The following ELAPOR2 variants were observed in gnomAD, a reference collection of about 807,000 sequenced individuals.
ELAPOR2 encodes the protein endosome-lysosome associated apoptosis and autophagy regulator family member 2.
A neutral mutation model predicts 120.7 loss-of-function variants in ELAPOR2; 89 were observed. The observed-to-expected ratio is 0.74, with a 90% CI of 0.62 to 0.88. The LOEUF is 0.88. Ranked by LOEUF, ELAPOR2 falls within the 40% of genes least tolerant of loss-of-function variation. ELAPOR2 has a pLI of 0.00. For synonymous variants in ELAPOR2, 444 were observed against 444.9 expected (o/e 1.00, Z 0.03); for missense variants, 1,134 against 1,251.6 (o/e 0.91, Z 1.42).
intron 1 of ELAPOR2, among the ~76,000 whole-genome samples, chr7:86,988,113 C>T (rs1382017424): frequency 7.2e-5 from 11 of 152,108 alleles, no homozygotes; most frequent in East Asian, 1.9e-4. Flanking sequence ...AACCAAACAC[C>T]GCATGTTCTC....
At chr7:87,019,981 A>G (rs1252208072) in intron 1 of ELAPOR2, among the ~76,000 whole-genome samples, 2 of 152,170 alleles carry the variant, frequency 1.3e-5, no homozygotes, top group Non-Finnish European at 2.9e-5. Flanking sequence ...AATATAGCAT[A>G]TACAATATTT....
intron 1 of ELAPOR2, among the ~76,000 whole-genome samples, chr7:87,021,668 T>C (rs918312088): frequency 1.3e-5 from 2 of 152,174 alleles, no homozygotes; most frequent in Non-Finnish European, 1.5e-5. Flanking sequence ...CCCAACTGTT[T>C]CCAGACAGTC....
At chr7:86,889,387 C>T (rs1360908995) in intron 21 of ELAPOR2, among the ~76,000 whole-genome samples, 2 of 151,258 alleles carry the variant, frequency 1.3e-5, no homozygotes, top group Non-Finnish European at 3.0e-5. Context: ...CACCCTATTC[C>T]CAGGGGATAC....
At chr7:87,024,447 C>G (rs960947849) in intron 1 of ELAPOR2, among the ~76,000 whole-genome samples, 5 of 152,010 alleles carry the variant, frequency 3.3e-5, no homozygotes, top group African/African-American at 1.2e-4. Flanking sequence ...TTTTTGATGT[C>G]CTGCTGGATT....
Position 86,926,798 on chromosome 7 carries a change from T to C in ELAPOR2, c.1208A>G (p.Tyr403Cys). The change falls in exon 9 of 22, where the codon TAT becomes TGT. Residue 403 changes from tyrosine (Y) to cysteine (C), a missense_variant. Tyr to Cys is a radical substitution (Grantham distance 194). Transcript: ENST00000450689. ...KDCPPCNPGF[Y>C]NNGSSSCHPC... Reference sequence around the variant, plus strand: ...ATGGCAAGAAGATGATCCATTGTTATAAAATCCAGGGTTGCAAGGCGGACA... The same window carrying C: ...ATGGCAAGAAGATGATCCATTGTTACAAAATCCAGGGTTGCAAGGCGGACA... 1.2e-6 allele frequency: 2 copies of C among 1,611,442 alleles called. No individual in the cohort carries two copies. The highest frequency in any genetic ancestry group is 1.1e-5 in the South Asian group (1 of 90,936).
At chr7:86,980,682 A>G (rs1223010099) in intron 1 of ELAPOR2, among the ~76,000 whole-genome samples, 2 of 151,996 alleles carry the variant, frequency 1.3e-5, no homozygotes, top group Admixed American at 1.3e-4. Context: ...GTGGGTCTCA[A>G]GTACTAAAGG....
intron 7 of ELAPOR2, 87 bp from the exon 8 acceptor site, chr7:86,938,301 T>C (rs542509255): frequency 1.0e-6 from 1 of 983,356 alleles, no homozygotes; most frequent in African/African-American, 1.6e-5. Context: ...AAAAAGCAAC[T>C]AAAAAGTACA....
intron 1 of ELAPOR2, among the ~76,000 whole-genome samples, chr7:87,049,541 C>G (rs942817279): frequency 1.3e-5 from 2 of 152,166 alleles, no homozygotes; most frequent in Non-Finnish European, 2.9e-5. Flanking sequence ...CTCGGCCTCC[C>G]AAAGTGCTGG....
intron 12 of ELAPOR2, among the ~76,000 whole-genome samples, chr7:86,917,175 T>A (rs1030661313): frequency 1.3e-5 from 2 of 151,446 alleles, no homozygotes; most frequent in African/African-American, 4.8e-5. Context: ...ATCCCAGCAC[T>A]TTGGGAGGCC....
chr7:86,970,624 CAGG>C (rs1378286514), intron 1 of ELAPOR2, among the ~76,000 whole-genome samples: 4 of 152,160 alleles, frequency 2.6e-5, no homozygotes, highest in East Asian at 1.9e-4. Flanking sequence ...AGGCCAAAAG[CAGG>C]AGAATACTTA....
chr7:86,939,927 C>A, intron 6 of ELAPOR2, 83 bp downstream of exon 6: 1 of 811,312 alleles, frequency 1.2e-6, no homozygotes. Flanking sequence ...ATCTTTGAGC[C>A]AGCCAAACCA....
At position 86,981,132 on chromosome 7, in the gene ELAPOR2, A is replaced by G. The variant is rs115783781; in HGVS notation, c.190-16108T>C. 8.4e-3 allele frequency among the ~76,000 whole-genome samples: 1,277 copies of G among 152,232 alleles called. 21 individuals carry two copies. Among genetic ancestry groups the G allele is most frequent in the African/African-American group, 0.03 (1,228 of 41,536 alleles). On this transcript the variant is annotated intron_variant, in intron 1 of 21. Coordinates refer to ENST00000450689, the MANE Select transcript of ELAPOR2 (RefSeq NM_001142749.3). ...CCACTTGCAGAAGAGTCAGATCTACAAGTGCTAACCAGTTGCTGCTAGCTC... is the reference window on the plus strand; with the variant it reads ...CCACTTGCAGAAGAGTCAGATCTACGAGTGCTAACCAGTTGCTGCTAGCTC...
At position 86,942,063 on chromosome 7, in the gene ELAPOR2, G is replaced by A. The variant is rs763179356; in HGVS notation, c.696C>T (p.Asp232=). The A allele has an allele frequency of 1.9e-6, 3 of 1,549,448 alleles. No homozygotes were observed. The highest frequency in any genetic ancestry group is 2.6e-6 in the Non-Finnish European group (3 of 1,145,130). Residue 232 remains aspartate (D), a synonymous_variant, in exon 5 of 22, where the codon GAC becomes GAT. Coordinates refer to ENST00000450689, the MANE Select transcript of ELAPOR2 (RefSeq NM_001142749.3). ...DQCQEMDTTT[D]KWVKLTDNGE... ...CATTGTCTGTAAGTTTTACCCACTT[G>A]TCAGTGGTGGTGTCCATCTCCTGGC...
At chr7:86,892,490 G>T (rs1350963400) in intron 20 of ELAPOR2, among the ~76,000 whole-genome samples, 1 of 152,050 alleles carries the variant, frequency 6.6e-6, no homozygotes, top group East Asian at 1.9e-4. Context: ...GTAAATAAAT[G>T]TGATATTTGC....
At chr7:86,882,846 A>AG (rs1414486421) in intron 21 of ELAPOR2, among the ~76,000 whole-genome samples, 1 of 152,160 alleles carries the variant, frequency 6.6e-6, no homozygotes, top group African/African-American at 2.4e-5. Context: ...GTATTAGACA[A>AG]GGGTTCCAAA....
intron 1 of ELAPOR2, among the ~76,000 whole-genome samples, chr7:86,984,482 T>C (rs1792636837): frequency 6.6e-6 from 1 of 152,204 alleles, no homozygotes; most frequent in African/African-American, 2.4e-5. Context: ...CACAACATAC[T>C]GTCTCCCAGA....
intron 1 of ELAPOR2, among the ~76,000 whole-genome samples, chr7:86,983,392 C>T (rs1327308526): frequency 6.6e-6 from 1 of 152,116 alleles, no homozygotes; most frequent in Non-Finnish European, 1.5e-5. Flanking sequence ...TTGTCAGATT[C>T]ACCAAGGTTG....
intron 1 of ELAPOR2, among the ~76,000 whole-genome samples, chr7:87,037,886 A>G (rs1794640281): frequency 6.6e-6 from 1 of 152,196 alleles, no homozygotes; most frequent in South Asian, 2.1e-4. Context: ...CAGCTGAAAC[A>G]TCACTTGCTC....
At chr7:86,920,544 A>G (rs1237769105) in intron 10 of ELAPOR2, among the ~76,000 whole-genome samples, 2 of 152,178 alleles carry the variant, frequency 1.3e-5, no homozygotes, top group African/African-American at 4.8e-5. Context: ...GAGGAGGGAT[A>G]GAATAGCAGG....
Sources: allele counts gnomAD v4.1 joint callset (sites outside exome capture counted in the v4.1 genomes callset), GRCh38; gene constraint gnomAD v4.1.1; transcripts MANE v1.5; gene names NCBI Gene and HGNC (gene_info 2026-07-23, HGNC 2026-07-21).